The following HS6ST2 variants were observed in gnomAD, a reference collection of about 807,000 sequenced individuals.
The protein encoded by HS6ST2 is heparan-sulfate 6-O-sulfotransferase 2.
A neutral mutation model predicts 33.0 loss-of-function variants in HS6ST2; 17 were observed. That is an observed-to-expected ratio of 0.52 (90% CI 0.35 to 0.77). The LOEUF is 0.77. HS6ST2 is among the 30% of genes least tolerant of loss of function. The pLI is 0.01. For missense variants in HS6ST2, 519 were observed against 551.7 expected, an observed-to-expected ratio of 0.94 and a Z score of 0.59; for synonymous variants, 248 against 237.1, an observed-to-expected ratio of 1.05 and a Z score of -0.42.
rs147198898 is a variant in HS6ST2 at position 132,888,289 on chromosome X, A to G, written c.947+68519T>C. 6.9e-3 allele frequency among the ~76,000 whole-genome samples: 767 copies of G among 111,429 alleles called. 8 individuals carry two copies. The highest frequency in any genetic ancestry group is 0.024 in the African/African-American group (720 of 30,606). On this transcript the variant is annotated intron_variant, in intron 2 of 4. Coordinates refer to ENST00000370833, the MANE Select transcript of HS6ST2 (RefSeq NM_001394073.1). ...GGCCGCACAATCATGGTGGAAGACA[A>G]AGGAAGAACAAAGGGACATCTTACA...
At chrX:132,652,083 T>C (rs1167224547) in intron 4 of HS6ST2, among the ~76,000 whole-genome samples, 2 of 111,883 alleles carry the variant, frequency 1.8e-5, no homozygotes, top group African/African-American at 3.3e-5. Flanking sequence ...ATTTCTCATT[T>C]AGCAGTCAGT....
chrX:132,860,298 G>A (rs1436973922), intron 2 of HS6ST2, among the ~76,000 whole-genome samples: 1 of 111,801 alleles, frequency 8.9e-6, no homozygotes, highest in Admixed American at 9.5e-5. Flanking sequence ...CAAGTCCAGG[G>A]CATTTGGATT....
chrX:132,798,370 T>C (rs2065205109), intron 2 of HS6ST2, among the ~76,000 whole-genome samples: 1 of 111,295 alleles, frequency 9.0e-6, no homozygotes, highest in Non-Finnish European at 1.9e-5. Context: ...CTCAGCAGAA[T>C]AGCCAGCAGG....
intron 2 of HS6ST2, among the ~76,000 whole-genome samples, chrX:132,849,599 C>T (rs1371984530): frequency 8.9e-6 from 1 of 111,927 alleles, no homozygotes; most frequent in Non-Finnish European, 1.9e-5. Flanking sequence ...CAGTGGGGCA[C>T]ACTGACTTTA....
chrX:132,702,080 T>G (rs2148241410), intron 3 of HS6ST2, among the ~76,000 whole-genome samples: 1 of 112,422 alleles, frequency 8.9e-6, no homozygotes, highest in East Asian at 2.8e-4. Flanking sequence ...ATCTAAGCAC[T>G]TCTGATACAC....
intron 2 of HS6ST2, among the ~76,000 whole-genome samples, chrX:132,810,577 C>G (rs1222233733): frequency 2.7e-5 from 3 of 111,253 alleles, no homozygotes; most frequent in African/African-American, 9.8e-5. Context: ...TCTCTACATC[C>G]TTGCTATTGC....
rs764671884 is a variant in HS6ST2, at chrX:132,795,089, C to T, written c.948-86595G>A. 2.7e-5 allele frequency among the ~76,000 whole-genome samples: 3 copies of T among 110,983 alleles called. No homozygotes were observed. The East Asian group carries it at 8.6e-4, about 32-fold the overall frequency. Reference sequence around the variant, plus strand: ...AGACATAGAAATCTGTCGTCTTCAGCTTTTCCCCTCTTTTCCCTAGCTGAG... The same window carrying T: ...AGACATAGAAATCTGTCGTCTTCAGTTTTTCCCCTCTTTTCCCTAGCTGAG... On this transcript the variant is annotated intron_variant, in intron 2 of 4. Transcript: ENST00000370833.
intron 2 of HS6ST2, among the ~76,000 whole-genome samples, chrX:132,928,946 G>A (rs1334054518): frequency 9.0e-6 from 1 of 111,669 alleles, no homozygotes; most frequent in Admixed American, 9.5e-5. Context: ...TGAGTCAGTG[G>A]CAGGCAGCAG....
At chrX:132,825,990 A>C (rs1444561106) in intron 2 of HS6ST2, among the ~76,000 whole-genome samples, 1 of 112,422 alleles carries the variant, frequency 8.9e-6, no homozygotes, top group Non-Finnish European at 1.9e-5. Context: ...CCTGTCCTCC[A>C]TGACCATCTC....
rs141632596 is a variant in HS6ST2 at position 132,774,933 on chromosome X, G to A, written c.948-66439C>T. Among the ~76,000 whole-genome samples, 519 of 110,689 alleles carry A rather than the reference G, an allele frequency of 4.7e-3. 2 individuals carry two copies. The highest frequency in any genetic ancestry group is 0.016 in the African/African-American group (495 of 30,443). ...TGACCTCAAGAGATCTTCCCACCTC[G>A]GCCTCCAAAATTGCTGGGATTACAA... is the stretch of plus-strand genomic sequence containing the variant. On this transcript the variant is annotated intron_variant, in intron 2 of 4. Transcript: ENST00000370833.
chrX:132,898,044 G>A (rs1185990928), intron 2 of HS6ST2, among the ~76,000 whole-genome samples: 2 of 110,701 alleles, frequency 1.8e-5, no homozygotes, highest in Non-Finnish European at 3.8e-5. Context: ...TGTCAGATCA[G>A]TGGCGTCATT....
chrX:132,896,466 G>A (rs1483084238), intron 2 of HS6ST2, among the ~76,000 whole-genome samples: 3 of 97,488 alleles, frequency 3.1e-5, no homozygotes, highest in East Asian at 6.3e-4. Context: ...GCCAGACTCC[G>A]TCTCAAAAAA....
At chrX:132,772,846 A>G (rs1317776750) in intron 2 of HS6ST2, among the ~76,000 whole-genome samples, 2 of 86,249 alleles carry the variant, frequency 2.3e-5, no homozygotes, top group Non-Finnish European at 4.3e-5. Flanking sequence ...ATAAAATATA[A>G]CATATAATAT....
At chrX:132,788,016 G>T (rs925323088) in intron 2 of HS6ST2, among the ~76,000 whole-genome samples, 5 of 111,746 alleles carry the variant, frequency 4.5e-5, no homozygotes, top group Non-Finnish European at 9.4e-5. Flanking sequence ...TAACGATAGG[G>T]TATTGAATAA....
intron 3 of HS6ST2, among the ~76,000 whole-genome samples, chrX:132,699,660 A>G (rs767811789): frequency 8.9e-6 from 1 of 111,879 alleles, no homozygotes; most frequent in Non-Finnish European, 1.9e-5. Flanking sequence ...GAGGTTTTCC[A>G]GCAAAAGAAT....
intron 2 of HS6ST2, among the ~76,000 whole-genome samples, chrX:132,890,617 A>G (rs2066299836): frequency 9.1e-6 from 1 of 109,793 alleles, no homozygotes; most frequent in Non-Finnish European, 1.9e-5. Flanking sequence ...TGTAACTCTA[A>G]TTACCTCCTG....
chrX:132,657,549 C>T (rs2063739765), intron 4 of HS6ST2, among the ~76,000 whole-genome samples: 1 of 109,398 alleles, frequency 9.1e-6, no homozygotes, highest in African/African-American at 3.3e-5. Flanking sequence ...ATTTTTTCCC[C>T]CCAAAGTTAC....
At chrX:132,794,565 G>GATTATTATT (rs1292978481) in intron 2 of HS6ST2, among the ~76,000 whole-genome samples, 24 of 97,313 alleles carry the variant, frequency 2.5e-4, no homozygotes, top group African/African-American at 7.5e-4. Flanking sequence ...GGATGATGAT[G>GATTATTATT]ATGATGATGA....
chrX:132,866,321 C>T (rs1356583185), intron 2 of HS6ST2, among the ~76,000 whole-genome samples: 1 of 105,863 alleles, frequency 9.4e-6, no homozygotes, highest in Non-Finnish European at 1.9e-5. Flanking sequence ...GGGCTCTGTT[C>T]TGTTCCATTG....
Sources: allele counts gnomAD v4.1 joint callset (sites outside exome capture counted in the v4.1 genomes callset), GRCh38; gene constraint gnomAD v4.1.1; transcripts MANE v1.5; gene names NCBI Gene and HGNC (gene_info 2026-07-23, HGNC 2026-07-21).